The following PTCHD4 variants were observed in gnomAD, a reference collection of about 807,000 sequenced individuals.
The protein encoded by PTCHD4 is patched domain-containing protein 4.
A neutral mutation model predicts 58.1 loss-of-function variants in PTCHD4; 33 were observed. The observed-to-expected ratio is 0.57, with a 90% CI of 0.43 to 0.76. The LOEUF (loss-of-function observed/expected upper bound fraction) is 0.76. Ranked by LOEUF, PTCHD4 falls within the 30% of genes least tolerant of loss-of-function variation. The pLI is 0.00. For synonymous variants in PTCHD4, 478 were observed against 409.6 expected (o/e 1.17, Z -2.02); for missense variants, 1,058 against 1,027.1 (o/e 1.03, Z -0.41).
At chr6:48,043,861 C>T (rs1466905518) in intron 3 of PTCHD4, among the ~76,000 whole-genome samples, 1 of 151,824 alleles carries the variant, frequency 6.6e-6, no homozygotes, top group East Asian at 1.9e-4. Flanking sequence ...AGACAAGATG[C>T]TATTTAACCT....
intron 4 of PTCHD4, among the ~76,000 whole-genome samples, chr6:47,960,155 TA>T (rs1347427854): frequency 1.3e-5 from 2 of 152,102 alleles, no homozygotes; most frequent in Non-Finnish European, 2.9e-5. Context: ...GGTAGACTGA[TA>T]AAGAGTTATG....
chr6:48,035,967 T>C (rs909523738), intron 3 of PTCHD4, among the ~76,000 whole-genome samples: 1 of 152,082 alleles, frequency 6.6e-6, no homozygotes, highest in African/African-American at 2.4e-5. Context: ...CTGTACTTAC[T>C]AAGATCACCC....
chr6:48,034,749 A>G (rs1763569833), intron 3 of PTCHD4, among the ~76,000 whole-genome samples: 1 of 152,158 alleles, frequency 6.6e-6, no homozygotes, highest in Non-Finnish European at 1.5e-5. Context: ...ATATTTTATC[A>G]GAATAAACTC....
chr6:48,029,013 G>A lies in PTCHD4; in HGVS notation c.418-19899C>T, dbSNP rs1467949512. 5.9e-5 allele frequency among the ~76,000 whole-genome samples: 9 copies of A among 152,090 alleles called. No homozygotes were observed. The South Asian group carries it at 1.5e-3, about 25-fold the overall frequency. ...GAATAATGTTAAATCTTCTTTATAT[G>A]ATGTTTGTATGACTACATGTTATTA... On this transcript the variant is annotated intron_variant, in intron 3 of 4. Transcript: ENST00000339488.
At chr6:48,017,429 C>T (rs1762905607) in intron 3 of PTCHD4, among the ~76,000 whole-genome samples, 1 of 152,014 alleles carries the variant, frequency 6.6e-6, no homozygotes, top group East Asian at 1.9e-4. Context: ...ATGTAGTTCA[C>T]ATGTTTTTCA....
intron 4 of PTCHD4, among the ~76,000 whole-genome samples, chr6:47,919,805 G>T (rs1189829583): frequency 6.6e-6 from 1 of 152,114 alleles, no homozygotes; most frequent in African/African-American, 2.4e-5. Flanking sequence ...ACAATTCTCG[G>T]TGTTCACTAA....
rs978021747 is a variant in PTCHD4 at position 47,859,893 on chromosome 6, G to T, written c.*18410C>A. On this transcript the variant is annotated 3_prime_UTR_variant, in exon 5 of 5. Coordinates refer to ENST00000339488, the MANE Select transcript of PTCHD4 (RefSeq NM_001384253.1). Reference sequence around the variant, plus strand: ...AACTGCAATGACAAAAGACCAAAGGGGGTGCATGGTTGATGCAGAGAGAAC... The same window carrying T: ...AACTGCAATGACAAAAGACCAAAGGTGGTGCATGGTTGATGCAGAGAGAAC... 4.6e-5 allele frequency among the ~76,000 whole-genome samples: 7 copies of T among 151,984 alleles called. No individual in the cohort carries two copies. Among genetic ancestry groups the T allele is most frequent in the African/African-American group, 1.7e-4 (7 of 41,414 alleles).
intron 1 of PTCHD4, among the ~76,000 whole-genome samples, chr6:48,096,401 C>T (rs1765470411): frequency 6.6e-6 from 1 of 152,100 alleles, no homozygotes; most frequent in African/African-American, 2.4e-5. Context: ...AACCTGAGGT[C>T]AGGAGTTCAA....
At chr6:48,044,559 G>T (rs907961976) in intron 3 of PTCHD4, among the ~76,000 whole-genome samples, 1 of 151,760 alleles carries the variant, frequency 6.6e-6, no homozygotes, top group Non-Finnish European at 1.5e-5. Flanking sequence ...TAAAGTGGGG[G>T]TTGGCAATGT....
intron 3 of PTCHD4, among the ~76,000 whole-genome samples, chr6:48,043,385 C>A (rs929636843): frequency 9.2e-5 from 14 of 151,912 alleles, no homozygotes; most frequent in Admixed American, 5.3e-4. Context: ...ATTATTCACT[C>A]CCTATAAAAT....
intron 1 of PTCHD4, among the ~76,000 whole-genome samples, chr6:48,109,285 C>G (rs138812411): frequency 8.5e-5 from 13 of 152,076 alleles, no homozygotes; most frequent in African/African-American, 3.1e-4. Flanking sequence ...ACCAGTACCA[C>G]AAGACTGTCA....
At chr6:47,929,434 G>A (rs1382792646) in intron 4 of PTCHD4, among the ~76,000 whole-genome samples, 1 of 152,082 alleles carries the variant, frequency 6.6e-6, no homozygotes, top group African/African-American at 2.4e-5. Context: ...AAGCTCAAAG[G>A]GATGCTTCTG....
chr6:47,879,637 T>C lies in PTCHD4; in HGVS notation c.1198A>G (p.Ser400Gly), dbSNP rs1763958998. ...AGQLEQNRYH[S>G]IFCCKIPSAE... ...GAAGGGATCTTACAGCAAAAGATGC[T>C]GTGGTAGCGGTTTTGCTCTAGTTGG... Residue 400 changes from serine to glycine, a missense_variant, in exon 5 of 5, where the codon AGC becomes GGC. Transcript: ENST00000339488. The C allele has an allele frequency of 1.2e-6, 2 of 1,613,516 alleles. No homozygotes were observed. The highest frequency in any genetic ancestry group is 1.7e-6 in the Non-Finnish European group (2 of 1,179,746).
In PTCHD4 at chr6:47,866,453, G is replaced by C. The variant is rs1723012275; in HGVS notation, c.*11850C>G. On this transcript the variant is annotated 3_prime_UTR_variant, in exon 5 of 5. Coordinates refer to ENST00000339488, the MANE Select transcript of PTCHD4 (RefSeq NM_001384253.1). ...AACCACTAGCTTTGTTACTCCTAGG[G>C]TTATCCAAAATGTCTCTTAGAGTGT... is the stretch of plus-strand genomic sequence containing the variant. 6.6e-6 allele frequency among the ~76,000 whole-genome samples: 1 copy of C among 151,684 alleles called. No homozygotes were observed. The highest frequency in any genetic ancestry group is 1.5e-5 in the Non-Finnish European group (1 of 67,840).
intron 1 of PTCHD4, among the ~76,000 whole-genome samples, chr6:48,110,572 T>C (rs1409151652): frequency 6.6e-6 from 1 of 151,438 alleles, no homozygotes; most frequent in South Asian, 2.1e-4. Context: ...ATCAGAATCA[T>C]AGTTAATAAT....
chr6:48,074,223 A>G (rs548981496), intron 1 of PTCHD4, among the ~76,000 whole-genome samples: 4 of 152,138 alleles, frequency 2.6e-5, no homozygotes, highest in Non-Finnish European at 4.4e-5. Context: ...GGTTGTCTGC[A>G]GCTGTAACTG....
chr6:47,869,816 G>A lies in PTCHD4; in HGVS notation c.*8487C>T, dbSNP rs1182903096. On this transcript the variant is annotated 3_prime_UTR_variant, in exon 5 of 5. Coordinates refer to ENST00000339488, the MANE Select transcript of PTCHD4 (RefSeq NM_001384253.1). ...GTTATTTTACATTGTGATGTTATAA[G>A]ATGTTTTGTTTAGGAAGTTTAATTC... 6.6e-6 allele frequency among the ~76,000 whole-genome samples: 1 copy of A among 151,610 alleles called. No homozygotes were observed. Among genetic ancestry groups the A allele is most frequent in the African/African-American group, 2.4e-5 (1 of 41,358 alleles).
At chr6:47,940,144 G>A (rs1296697341) in intron 4 of PTCHD4, among the ~76,000 whole-genome samples, 1 of 152,050 alleles carries the variant, frequency 6.6e-6, no homozygotes, top group Non-Finnish European at 1.5e-5. Context: ...TTTAACCACA[G>A]CCTTTTTGTG....
At chr6:48,110,320 T>A (rs937494357) in intron 1 of PTCHD4, among the ~76,000 whole-genome samples, 1 of 152,140 alleles carries the variant, frequency 6.6e-6, no homozygotes, top group African/African-American at 2.4e-5. Context: ...TGTGACAACA[T>A]AGATGAACCT....
Sources: gnomAD v4.1 joint callset for allele counts (sites outside exome capture counted in the v4.1 genomes callset) on GRCh38, gnomAD v4.1.1 for gene constraint, MANE v1.5 for transcripts, NCBI Gene and HGNC (gene_info 2026-07-23, HGNC 2026-07-21) for gene names.